Variants in EYS observed in about 807,000 individuals in gnomAD.
The protein encoded by EYS is EGF-like photoreceptor maintenance factor.
A neutral mutation model predicts 282.1 loss-of-function variants in EYS; 250 were observed. The ratio of observed to expected loss-of-function variants is 0.89; its 90% confidence interval spans 0.80 to 0.98. The LOEUF (loss-of-function observed/expected upper bound fraction) is 0.98, where lower values mean the gene tolerates loss of function less well. Among genes scored for constraint, EYS ranks in the 50% least tolerant of loss-of-function variants. The pLI is 0.00. For synonymous variants in EYS, 1,355 were observed against 1,282.9 expected (o/e 1.06, Z -1.20); for missense variants, 4,016 against 3,709.0 (o/e 1.08, Z -2.15).
intron 42 of EYS, among the ~76,000 whole-genome samples, chr6:63,723,703 T>G (rs1380880020): frequency 6.6e-6 from 1 of 151,960 alleles, no homozygotes; most frequent in East Asian, 1.9e-4. Flanking sequence ...AGCTAAAAGC[T>G]GTATTAGCTT....
At chr6:64,262,384 CATA>C (rs1406093855) in intron 30 of EYS, among the ~76,000 whole-genome samples, 1 of 151,196 alleles carries the variant, frequency 6.6e-6, no homozygotes, top group African/African-American at 2.4e-5. Context: ...ATACAAATTG[CATA>C]ATTTGTATTT....
rs764229134 is a variant in EYS, at chr6:63,726,595, ATG to A, written c.8155_8156del (p.His2719TyrfsTer27). On this transcript the variant is annotated frameshift_variant, in exon 42 of 43. Transcript: ENST00000503581. LOFTEE classifies it high-confidence loss of function. ...FASFHVRKKTHIQLQFQPLAA... is the reference protein window; with the variant it reads ...FASFHVRKKTXIQLQFQPLAA... ...CGAGAGGCTGAAACTGCAATTGAAT[ATG>A]TGTCTTTTTTCGAACATGAAAGGAA... is the stretch of plus-strand genomic sequence containing the variant. The A allele has an allele frequency of 1.0e-5, 16 of 1,551,358 alleles. No individual in the cohort carries two copies. Among genetic ancestry groups the A allele is most frequent in the Middle Eastern group, 3.3e-4 (2 of 5,986 alleles).
chr6:64,664,977 G>A (rs900886036), intron 22 of EYS, among the ~76,000 whole-genome samples: 1 of 152,144 alleles, frequency 6.6e-6, no homozygotes, highest in Non-Finnish European at 1.5e-5. Context: ...TATTACTATA[G>A]AGTACATCAA....
At chr6:65,703,513 G>A (rs970620120) in intron 1 of EYS, among the ~76,000 whole-genome samples, 3 of 151,506 alleles carry the variant, frequency 2.0e-5, no homozygotes, top group African/African-American at 7.3e-5. Context: ...CATTTTTATT[G>A]AGAATATATT....
intron 26 of EYS, among the ~76,000 whole-genome samples, chr6:64,583,971 T>C (rs1766152642): frequency 6.6e-6 from 1 of 152,134 alleles, no homozygotes; most frequent in African/African-American, 2.4e-5. Flanking sequence ...AAGATATATA[T>C]TATACTTTTT....
chr6:65,466,559 A>G (rs1445374074), intron 5 of EYS, among the ~76,000 whole-genome samples: 4 of 151,988 alleles, frequency 2.6e-5, no homozygotes, highest in African/African-American at 7.2e-5. Flanking sequence ...ACCATTTACT[A>G]CTGTCCTAGA....
intron 12 of EYS, among the ~76,000 whole-genome samples, chr6:65,074,234 G>A (rs1055868573): frequency 6.6e-6 from 1 of 151,854 alleles, no homozygotes; most frequent in Non-Finnish European, 1.5e-5. Flanking sequence ...GTAAATACTG[G>A]TCCTGAACTC....
chr6:65,112,675 C>G (rs931383907), intron 12 of EYS, among the ~76,000 whole-genome samples: 3 of 152,088 alleles, frequency 2.0e-5, no homozygotes. Flanking sequence ...AATAATGTAG[C>G]AGTGCAGTTT....
chr6:65,324,836 A>G (rs972355687), intron 11 of EYS, among the ~76,000 whole-genome samples: 33 of 152,250 alleles, frequency 2.2e-4, no homozygotes, highest in Admixed American at 1.0e-3. Flanking sequence ...CAGGTTCTCC[A>G]AAAAGCCAAA....
chr6:64,706,929 A>G (rs1033011837), intron 22 of EYS, among the ~76,000 whole-genome samples: 24 of 152,212 alleles, frequency 1.6e-4, no homozygotes, highest in African/African-American at 5.8e-4. Flanking sequence ...AACTAAAAGT[A>G]GAACTACCAT....
chr6:65,091,552 GACA>G (rs1399864095), intron 12 of EYS, among the ~76,000 whole-genome samples: 1 of 152,030 alleles, frequency 6.6e-6, no homozygotes, highest in Non-Finnish European at 1.5e-5. Flanking sequence ...AAAATAATCT[GACA>G]ACAAATGAGC....
intron 12 of EYS, among the ~76,000 whole-genome samples, chr6:65,202,996 A>G (rs1765941540): frequency 6.6e-6 from 1 of 152,172 alleles, no homozygotes. Flanking sequence ...CACCAGACCC[A>G]GTGCCGCACA....
At chr6:64,105,461 A>G (rs72876832) in intron 31 of EYS, among the ~76,000 whole-genome samples, 147 of 152,198 alleles carry the variant, frequency 9.7e-4, no homozygotes, top group Admixed American at 2.3e-3. Flanking sequence ...GTCAAAGTCT[A>G]TAGTTTACGT....
chr6:64,822,415 C>T (rs1284035402), intron 20 of EYS, among the ~76,000 whole-genome samples: 3 of 151,658 alleles, frequency 2.0e-5, no homozygotes, highest in African/African-American at 4.9e-5. Flanking sequence ...AATTAATCCA[C>T]ATTTATAGAA....
At chr6:65,135,654 T>A (rs1776003605) in intron 12 of EYS, among the ~76,000 whole-genome samples, 1 of 134,498 alleles carries the variant, frequency 7.4e-6, no homozygotes, top group East Asian at 2.0e-4. Flanking sequence ...AAATAGTGAA[T>A]CTCATTCATT....
At chr6:65,341,889 C>A (rs973817599) in intron 10 of EYS, among the ~76,000 whole-genome samples, 6 of 151,090 alleles carry the variant, frequency 4.0e-5, no homozygotes, top group African/African-American at 1.5e-4. Context: ...ATTTTTATAA[C>A]ATTCTATATT....
At chr6:64,569,131 C>T (rs147960264) in intron 26 of EYS, among the ~76,000 whole-genome samples, 5 of 150,886 alleles carry the variant, frequency 3.3e-5, no homozygotes, top group Non-Finnish European at 5.9e-5. Flanking sequence ...ACAAAACTGA[C>T]GGAGAATGAC....
At chr6:63,783,933 A>G (rs1770300711) in intron 39 of EYS, among the ~76,000 whole-genome samples, 1 of 152,070 alleles carries the variant, frequency 6.6e-6, no homozygotes, top group African/African-American at 2.4e-5. Flanking sequence ...AAACTGGGTA[A>G]AGCAGATTGC....
chr6:65,011,452 A>G (rs1285250822), intron 13 of EYS, among the ~76,000 whole-genome samples: 1 of 152,188 alleles, frequency 6.6e-6, no homozygotes, highest in African/African-American at 2.4e-5. Context: ...GTCCATGACT[A>G]AGGTCTACCG....
Sources: gnomAD v4.1 joint callset for allele counts (sites outside exome capture counted in the v4.1 genomes callset) on GRCh38, gnomAD v4.1.1 for gene constraint, MANE v1.5 for transcripts, NCBI Gene and HGNC (gene_info 2026-07-23, HGNC 2026-07-21) for gene names.